Variants in PIK3R3 observed in about 807,000 individuals in gnomAD.
PIK3R3 encodes phosphatidylinositol 3-kinase regulatory subunit gamma.
In PIK3R3, 64 loss-of-function variants were observed where a neutral mutation model predicts 62.9. The ratio of observed to expected loss-of-function variants is 1.02; its 90% CI spans 0.83 to 1.25. The LOEUF (loss-of-function observed/expected upper bound fraction) is 1.25, where lower values mean the gene tolerates loss of function less well. Among genes scored for constraint, PIK3R3 ranks in the 50% most tolerant of loss-of-function variants. The pLI is 0.00. For missense variants in PIK3R3, 614 were observed against 561.6 expected, an observed-to-expected ratio of 1.09 and a Z score of -0.94; for synonymous variants, 165 against 189.0, an observed-to-expected ratio of 0.87 and a Z score of 1.04.
chr1:46,090,993 T>G (rs1012747829), intron 1 of PIK3R3, among the ~76,000 whole-genome samples: 2 of 151,928 alleles, frequency 1.3e-5, no homozygotes, highest in Non-Finnish European at 2.9e-5. Context: ...AAAAATAGTT[T>G]TTACTTTTTT....
the PIK3R3 span, among the ~76,000 whole-genome samples, chr1:46,147,607 G>A: frequency 1.1e-4 from 16 of 151,528 alleles, no homozygotes; most frequent in Non-Finnish European, 1.0e-4. Flanking sequence ...TTTTAGTAGA[G>A]ACGGAGTTTC....
intron 7 of PIK3R3, chr1:46,046,913 A>C (rs1647130733): frequency 2.1e-6 from 1 of 481,872 alleles, no homozygotes; most frequent in Non-Finnish European, 3.7e-6. Flanking sequence ...ACAAGCACAC[A>C]CATACTCGCA....
chr1:46,125,968 G>A (rs1417158577), intron 1 of PIK3R3, among the ~76,000 whole-genome samples: 1 of 151,992 alleles, frequency 6.6e-6, no homozygotes, highest in East Asian at 1.9e-4. Flanking sequence ...CACCATGTTA[G>A]CCAGGATGGT....
chr1:46,136,360 A>G (rs1465651790), upstream of PIK3R3, among the ~76,000 whole-genome samples: 2 of 152,214 alleles, frequency 1.3e-5, no homozygotes, highest in East Asian at 1.9e-4. Context: ...TTCACAATGT[A>G]CAAAGAACCA....
chr1:46,144,913 C>T, the PIK3R3 span, among the ~76,000 whole-genome samples: 6 of 151,762 alleles, frequency 4.0e-5, no homozygotes, highest in Non-Finnish European at 8.8e-5. Context: ...TCACCGAGGT[C>T]GGGAGTTTGA....
Position 46,044,080 on chromosome 1 carries a change from C to CT in PIK3R3, c.1188-210dup, listed in dbSNP as rs11316852. Among the ~76,000 whole-genome samples the CT allele has an allele frequency of 8.7e-4, 126 of 145,360 alleles. 1 individual carries two copies. The highest frequency in any genetic ancestry group is 1.5e-3 in the African/African-American group (61 of 39,588). On this transcript the variant is annotated intron_variant, in intron 9 of 9. Coordinates refer to ENST00000262741, the MANE Select transcript of PIK3R3 (RefSeq NM_003629.4). The surrounding 1 kb of genome is among the most constrained non-coding windows in gnomAD (Gnocchi z 4.2). ...CACAAATGTAAGGGTTTATTTATTT[C>CT]TTTTTTTTTTTTTTAGACAGGGTCT...
intron 1 of PIK3R3, among the ~76,000 whole-genome samples, chr1:46,117,747 AAAG>A (rs1286393123): frequency 6.7e-6 from 1 of 149,610 alleles, no homozygotes; most frequent in Non-Finnish European, 1.5e-5. Flanking sequence ...ACCTGTCTCG[AAAG>A]AAAGAAAGAA....
intron 1 of PIK3R3, among the ~76,000 whole-genome samples, chr1:46,122,620 G>A (rs749641386): frequency 2.2e-4 from 34 of 152,184 alleles, no homozygotes; most frequent in Non-Finnish European, 2.8e-4. Flanking sequence ...CACCCACCTC[G>A]GCACCTCAAA....
chr1:46,045,076 ACTT>A (rs1647074446), intron 9 of PIK3R3, among the ~76,000 whole-genome samples: 1 of 152,190 alleles, frequency 6.6e-6, no homozygotes, highest in Admixed American at 6.5e-5. Context: ...GGTGACATTT[ACTT>A]CTTATGTCCC....
At chr1:46,135,298 C>T (rs1295933537), upstream of PIK3R3, among the ~76,000 whole-genome samples, 5 of 152,316 alleles carry the variant, frequency 3.3e-5, no homozygotes, top group African/African-American at 1.2e-4. Context: ...GGGTCACAAC[C>T]TGCTACTTTG....
intron 1 of PIK3R3, among the ~76,000 whole-genome samples, chr1:46,129,760 A>G (rs1290686531): frequency 6.6e-6 from 1 of 152,208 alleles, no homozygotes; most frequent in Non-Finnish European, 1.5e-5. Context: ...CATTCACTTC[A>G]TAGGCAATGT....
upstream of PIK3R3, chr1:46,132,844 C>T: frequency 8.3e-7 from 1 of 1,209,780 alleles, no homozygotes; most frequent in East Asian, 6.0e-5. Context: ...TCGACTTTCA[C>T]GTCTCCCCAC....
At chr1:46,108,986 T>G (rs1034836830) in intron 1 of PIK3R3, among the ~76,000 whole-genome samples, 1 of 152,080 alleles carries the variant, frequency 6.6e-6, no homozygotes, top group Admixed American at 6.5e-5. Context: ...GGTGAAACCG[T>G]GTCTCTACTA....
chr1:46,115,766 C>A (rs1654129628), intron 1 of PIK3R3, among the ~76,000 whole-genome samples: 1 of 152,178 alleles, frequency 6.6e-6, no homozygotes, highest in Non-Finnish European at 1.5e-5. Flanking sequence ...TATCCTCTAC[C>A]ACAGATAAGT....
chr1:46,081,407 A>C (rs1033198932), intron 1 of PIK3R3, among the ~76,000 whole-genome samples: 1 of 152,186 alleles, frequency 6.6e-6, no homozygotes, highest in South Asian at 2.1e-4. Flanking sequence ...AAAGCGCCAC[A>C]CAGCAGGAAG....
chr1:46,086,178 G>A (rs751780034), intron 1 of PIK3R3, among the ~76,000 whole-genome samples: 3 of 152,196 alleles, frequency 2.0e-5, no homozygotes, highest in Admixed American at 1.3e-4. Context: ...AGATATGTGT[G>A]CATAGAAACA....
At chr1:46,059,554 C>A (rs1648269348) in intron 6 of PIK3R3, among the ~76,000 whole-genome samples, 1 of 152,192 alleles carries the variant, frequency 6.6e-6, no homozygotes, top group Admixed American at 6.5e-5. Flanking sequence ...TGGACACACA[C>A]CTGTAATCCC....
chr1:46,059,585 G>A lies in PIK3R3; in HGVS notation c.764+2344C>T, dbSNP rs184567572. Among the ~76,000 whole-genome samples the A allele has an allele frequency of 1.8e-3, 272 of 151,560 alleles. 1 individual carries two copies. Among genetic ancestry groups the A allele is most frequent in the Middle Eastern group, 6.9e-3 (2 of 288 alleles). ...ATCCCAGCACTTTGGGAAGCTGAGC[G>A]GGGAGGATTGCTTGAGTCCAGGAGT... is the stretch of plus-strand genomic sequence containing the variant. On this transcript the variant is annotated intron_variant, in intron 6 of 9. Transcript: ENST00000262741.
At chr1:46,172,936 T>C in the PIK3R3 span, among the ~76,000 whole-genome samples, 1 of 151,644 alleles carries the variant, frequency 6.6e-6, no homozygotes, top group African/African-American at 2.4e-5. Flanking sequence ...ACGGTTGCAG[T>C]GAGACAAGAT....
Sources: gnomAD v4.1 joint callset for allele counts (sites outside exome capture counted in the v4.1 genomes callset) on GRCh38, gnomAD v4.1.1 for gene constraint, Gnocchi (gnomAD v3.1) non-coding constraint, MANE v1.5 for transcripts, NCBI Gene and HGNC (gene_info 2026-07-23, HGNC 2026-07-21) for gene names.